SCAMP4: variants seen among roughly 807,000 people sequenced by gnomAD.
SCAMP4 encodes secretory carrier membrane protein 4, also known as secretory carrier-associated membrane protein 4.
A neutral mutation model predicts 32.1 loss-of-function variants in SCAMP4; 19 were observed. The observed-to-expected ratio is 0.59, with a 90% CI of 0.41 to 0.87. The LOEUF (loss-of-function observed/expected upper bound fraction) is 0.87. Ranked by LOEUF, SCAMP4 falls within the 40% of genes least tolerant of loss-of-function variation. The probability of loss-of-function intolerance (pLI) is 0.00; values close to 1 mark genes in which losing one functional copy is unlikely to be tolerated. For missense variants in SCAMP4, 302 were observed against 309.0 expected, an observed-to-expected ratio of 0.98 and a Z score of 0.17; for synonymous variants, 152 against 132.7, an observed-to-expected ratio of 1.15 and a Z score of -1.00.
At chr19:1,912,269 C>G in intron 1 of SCAMP4, 1 of 1,593,112 alleles carries the variant, frequency 6.3e-7, no homozygotes. Flanking sequence ...AGACCTCACG[C>G]CTCCTGAAGG....
In SCAMP4 at chr19:1,919,303, G is replaced by T. The variant is rs980548524; in HGVS notation, c.395+313G>T. On this transcript the variant is annotated intron_variant, in intron 5 of 6. Transcript: ENST00000316097. ...GAGTGTTGATCACACCCCTGACCCG[G>T]GGTCTGGGAGCCAGTTCCTGGCTGC... The T allele has an allele frequency of 4.1e-6, 5 of 1,204,846 alleles. No individual in the cohort carries two copies. The Admixed American group carries it at 1.5e-4, about 36-fold the overall frequency. 74.6% of individuals were successfully genotyped at this position (1,204,846 alleles called of 1,614,324 possible). A position where few individuals can be genotyped will look rare whatever the true frequency, so the allele number is the denominator to read the frequency against.
intron 1 of SCAMP4, chr19:1,912,644 G>A (rs1244611880): frequency 2.8e-6 from 4 of 1,423,964 alleles, no homozygotes; most frequent in Non-Finnish European, 3.6e-6. Flanking sequence ...CGGTGTGGGC[G>A]GCCCGGCGGG....
rs200383088 is a variant in SCAMP4 at position 1,917,867 on chromosome 19, T to C, written c.136+45T>C. On this transcript the variant is annotated intron_variant, in intron 3 of 6. Transcript: ENST00000316097. ...GGAGGCGGGAAGCGGGAGGCAGGGC[T>C]CCCCGAGGGAGGGAGTGGCATTCAG... is the stretch of plus-strand genomic sequence containing the variant. 3.5e-5 allele frequency: 56 copies of C among 1,609,516 alleles called. No homozygotes were observed. In the African/African-American group the frequency reaches 6.5e-4, roughly 19 times the overall value.
At chr19:1,912,304 C>T in intron 1 of SCAMP4, 1 of 1,562,398 alleles carries the variant, frequency 6.4e-7, no homozygotes, top group Non-Finnish European at 8.6e-7. Context: ...CACCCGCTCC[C>T]CGCCCAGCCT....
At chr19:1,909,779 C>G (rs546262792) in intron 1 of SCAMP4, among the ~76,000 whole-genome samples, 32 of 152,324 alleles carry the variant, frequency 2.1e-4, no homozygotes, top group African/African-American at 7.5e-4. Flanking sequence ...ACTGAGTAAG[C>G]AGGGACACCC....
intron 3 of SCAMP4, 134 bp from the exon 4 acceptor site, chr19:1,917,993 C>A: frequency 7.3e-7 from 1 of 1,371,926 alleles, no homozygotes; most frequent in Non-Finnish European, 9.9e-7. Context: ...AGTGTCTTGG[C>A]TTGCACAGTT....
Position 1,922,836 on chromosome 19 carries a change from A to G in SCAMP4, c.396-234A>G, listed in dbSNP as rs2013961241. 17 of 1,238,606 alleles carry G rather than the reference A, an allele frequency of 1.4e-5. No homozygotes were observed. In the South Asian group the frequency reaches 3.9e-4, roughly 28 times the overall value. 76.7% of individuals were successfully genotyped at this position (1,238,606 alleles called of 1,614,324 possible). A position where few individuals can be genotyped will look rare whatever the true frequency, so the allele number is the denominator to read the frequency against. ...TGTTCACGCGTCGAAGTTTGTGTCC[A>G]CTGCACACGCGGCTCACTGCTGCGA... On this transcript the variant is annotated intron_variant, in intron 5 of 6. Coordinates refer to ENST00000316097, the MANE Select transcript of SCAMP4 (RefSeq NM_079834.4).
chr19:1,920,631 G>T, intron 5 of SCAMP4: 1 of 985,470 alleles, frequency 1.0e-6, no homozygotes, highest in Non-Finnish European at 1.2e-6. Flanking sequence ...CCTTTGGGGT[G>T]CTTCCCCCTC....
rs772924757 is a variant in SCAMP4 at position 1,912,921 on chromosome 19, C to T, written c.-41-2058C>T. The T allele has an allele frequency of 4.8e-5, 78 of 1,609,994 alleles. No homozygotes were observed. The highest frequency in any genetic ancestry group is 6.2e-5 in the Non-Finnish European group (73 of 1,179,332). ...ACTGGACGCAGACGAGGACGGCCTC[C>T]CCTACCTGTGCACTGGCTACGACCT... On this transcript the variant is annotated intron_variant, in intron 1 of 6. Transcript: ENST00000316097.
intron 5 of SCAMP4, chr19:1,919,561 A>G (rs1469353437): frequency 1.6e-6 from 1 of 634,408 alleles, no homozygotes; most frequent in African/African-American, 2.0e-5. Context: ...CAGTGGTGCA[A>G]TCTCAGCTCA....
rs571070490 is a variant in SCAMP4 at position 1,918,123 on chromosome 19, G to A, written c.137-4G>A. 1.0e-4 allele frequency: 161 copies of A among 1,607,604 alleles called. 1 individual carries two copies. The South Asian group carries it at 1.4e-3, about 14-fold the overall frequency. On this transcript the variant is annotated splice_region_variant and splice_polypyrimidine_tract_variant and intron_variant, in intron 3 of 6. Transcript: ENST00000316097. ...GCTCATCCGTCCTCCCTCTCTCTTC[G>A]CAGTTTACTGCGCCACCCTCGGCGT... is the stretch of plus-strand genomic sequence containing the variant.
At chr19:1,915,298 C>G in intron 2 of SCAMP4, 1 of 566,444 alleles carries the variant, frequency 1.8e-6, no homozygotes, top group East Asian at 3.0e-5. Context: ...CTGCTCTTTC[C>G]TTATAGCAGC....
chr19:1,924,311 C>A lies in SCAMP4; in HGVS notation c.*27C>A, dbSNP rs753646131. 1.3e-6 allele frequency: 2 copies of A among 1,554,632 alleles called. No individual in the cohort carries two copies. Among genetic ancestry groups the A allele is most frequent in the South Asian group, 2.3e-5 (2 of 85,462 alleles). ...GGGAGCCTGCCCTGCCCCCACCGCC[C>A]ACCACCTCCTCCCCTTCATTCCTGC... On this transcript the variant is annotated 3_prime_UTR_variant, in exon 7 of 7. Transcript: ENST00000316097.
chr19:1,922,717 C>T (rs2013957852), intron 5 of SCAMP4: 1 of 1,000,098 alleles, frequency 1.0e-6, no homozygotes. Context: ...TGGCTGGTGC[C>T]CGCCGGACTC....
At chr19:1,920,637 C>T (rs2013889646) in intron 5 of SCAMP4, 1 of 985,520 alleles carries the variant, frequency 1.0e-6, no homozygotes, top group African/African-American at 1.7e-5. Context: ...GGGTGCTTCC[C>T]CCTCCTGCAG....
chr19:1,912,038 C>A, intron 1 of SCAMP4: 1 of 1,415,972 alleles, frequency 7.1e-7, no homozygotes, highest in South Asian at 1.5e-5. Context: ...CAGCCGCCCG[C>A]AGCCGCCGGA....
intron 2 of SCAMP4, chr19:1,915,440 G>A: frequency 3.9e-6 from 1 of 254,842 alleles, no homozygotes; most frequent in Non-Finnish European, 7.7e-6. Flanking sequence ...AGGCGCCCAG[G>A]GACACTTCCT....
intron 5 of SCAMP4, chr19:1,920,179 C>G (rs185113069): frequency 1.0e-6 from 1 of 985,380 alleles, no homozygotes. Context: ...CAGAGAGTGA[C>G]TGTTCTCGCC....
intron 2 of SCAMP4, among the ~76,000 whole-genome samples, chr19:1,915,963 G>A (rs1025071812): frequency 7.3e-6 from 1 of 137,820 alleles, no homozygotes; most frequent in African/African-American, 2.8e-5. Flanking sequence ...AAAAGAGATG[G>A]TCCGGGCGTG....
Sources: allele counts gnomAD v4.1 joint callset (sites outside exome capture counted in the v4.1 genomes callset), GRCh38; gene constraint gnomAD v4.1.1; transcripts MANE v1.5; gene names NCBI Gene and HGNC (gene_info 2026-07-23, HGNC 2026-07-21).